SLC4A4: variants seen among roughly 807,000 people sequenced by gnomAD.
SLC4A4 encodes solute carrier family 4 member 4.
In SLC4A4, 27 loss-of-function variants were observed where a neutral mutation model predicts 111.5. The ratio of observed to expected loss-of-function variants is 0.24; its 90% confidence interval spans 0.18 to 0.33. SLC4A4 has a LOEUF of 0.33. Among genes scored for constraint, SLC4A4 ranks in the 10% least tolerant of loss-of-function variants. The pLI is 1.00. For synonymous variants in SLC4A4, 443 were observed against 463.4 expected (o/e 0.96, Z 0.57); for missense variants, 909 against 1,315.5 (o/e 0.69, Z 4.78).
intron 6 of SLC4A4, among the ~76,000 whole-genome samples, chr4:71,384,264 G>A (rs1347525321): frequency 6.6e-6 from 1 of 152,190 alleles, no homozygotes; most frequent in East Asian, 1.9e-4. Context: ...CAATGGGACA[G>A]GTTGTACCCT....
chr4:71,235,131 T>C (rs1219439383), intron 1 of SLC4A4, among the ~76,000 whole-genome samples: 1 of 152,146 alleles, frequency 6.6e-6, no homozygotes, highest in African/African-American at 2.4e-5. Context: ...TTACCCCAGT[T>C]TTATAGATGG....
At chr4:71,276,691 C>T (rs1723095990) in intron 3 of SLC4A4, among the ~76,000 whole-genome samples, 1 of 151,832 alleles carries the variant, frequency 6.6e-6, no homozygotes, top group East Asian at 1.9e-4. Flanking sequence ...GGATGCACCA[C>T]AGTTTGTTTA....
chr4:71,232,659 C>T (rs1719514454), intron 1 of SLC4A4, among the ~76,000 whole-genome samples: 1 of 152,192 alleles, frequency 6.6e-6, no homozygotes, highest in Non-Finnish European at 1.5e-5. Context: ...GCAATCCTCC[C>T]ACTCGGCCTC....
chr4:71,240,604 A>T (rs554833979), intron 2 of SLC4A4, among the ~76,000 whole-genome samples: 2 of 152,300 alleles, frequency 1.3e-5, no homozygotes, highest in South Asian at 4.1e-4. Flanking sequence ...ACTGATGGAC[A>T]TTAGGAGGGA....
rs199676655 is a variant in SLC4A4 at position 71,286,921 on chromosome 4, GT to G, written c.253+31534del. On this transcript the variant is annotated intron_variant, in intron 3 of 25. Transcript: ENST00000264485. ...ATTATTATTTTTAGAATTATTATGA[GT>G]TTTTTTTTTTTAACTTGGCTCTTGA... Among the ~76,000 whole-genome samples, 428 of 146,150 alleles carry G rather than the reference GT, an allele frequency of 2.9e-3. 4 individuals carry two copies. In the East Asian group the frequency reaches 0.033, roughly 11 times the overall value.
rs377762235 is a variant in SLC4A4, at chr4:71,384,959, A to G, written c.731-12618A>G. Among the ~76,000 whole-genome samples, 68 of 151,686 alleles carry G rather than the reference A, an allele frequency of 4.5e-4. 3 individuals are homozygous for G. The East Asian group carries it at 7.8e-3, about 17-fold the overall frequency. On this transcript the variant is annotated intron_variant, in intron 6 of 25. Transcript: ENST00000264485. ...AGTTTGATGGGTGCAGCAAACCACCATGGCACGTGTATACCTATGTAACAA... is the reference window on the plus strand; with the variant it reads ...AGTTTGATGGGTGCAGCAAACCACCGTGGCACGTGTATACCTATGTAACAA...
chr4:71,435,432 G>A lies in SLC4A4; in HGVS notation c.808-5184G>A, dbSNP rs541587925. Among the ~76,000 whole-genome samples the A allele has an allele frequency of 6.6e-5, 10 of 152,248 alleles. No individual in the cohort carries two copies. The South Asian group carries it at 1.5e-3, about 22-fold the overall frequency. On this transcript the variant is annotated intron_variant, in intron 7 of 25. Coordinates refer to ENST00000264485, the MANE Select transcript of SLC4A4 (RefSeq NM_001098484.3). ...ATCAAGATGGATTAGAGACTTAAAT[G>A]TAAGACCTAAAACCATAAAATCCAT...
At chr4:71,421,123 A>G (rs1226512835) in intron 7 of SLC4A4, among the ~76,000 whole-genome samples, 1 of 151,084 alleles carries the variant, frequency 6.6e-6, no homozygotes, top group East Asian at 1.9e-4. Context: ...TAGGCTCAAA[A>G]TAAAAGGATG....
At chr4:71,430,204 T>C (rs991484017) in intron 7 of SLC4A4, among the ~76,000 whole-genome samples, 1 of 152,132 alleles carries the variant, frequency 6.6e-6, no homozygotes, top group East Asian at 1.9e-4. Context: ...GGTATTTATG[T>C]TTCTTTTTTC....
At chr4:71,354,134 G>A (rs1730082786) in intron 5 of SLC4A4, among the ~76,000 whole-genome samples, 1 of 152,126 alleles carries the variant, frequency 6.6e-6, no homozygotes, top group Admixed American at 6.5e-5. Flanking sequence ...CGTTTAAAGA[G>A]TGTCATTCAC....
rs151221065 is a variant in SLC4A4 at position 71,518,089 on chromosome 4, G to C, written c.2167-13973G>C. ...CTAGAGCCTGGCTCCATGGGTACCA[G>C]CCTAGAGCCTGAGGCTGGCTTGGTG... is the stretch of plus-strand genomic sequence containing the variant. On this transcript the variant is annotated intron_variant, in intron 16 of 25. Coordinates refer to ENST00000264485, the MANE Select transcript of SLC4A4 (RefSeq NM_001098484.3). 3.3e-3 allele frequency among the ~76,000 whole-genome samples: 503 copies of C among 152,292 alleles called. 3 individuals carry two copies. Among genetic ancestry groups the C allele is most frequent in the African/African-American group, 0.012 (491 of 41,562 alleles).
chr4:71,437,727 G>A lies in SLC4A4; in HGVS notation c.808-2889G>A, dbSNP rs532728238. ...TAATGGAGATCTTATTGGGATGAGC[G>A]GCCCCCTCCAAAGTGAAATTCTTGG... On this transcript the variant is annotated intron_variant, in intron 7 of 25. Transcript: ENST00000264485. 35 of 320,688 alleles carry A rather than the reference G, an allele frequency of 1.1e-4. No homozygotes were observed. In the East Asian group the frequency reaches 1.7e-3, roughly 16 times the overall value. 19.9% of individuals were successfully genotyped at this position (320,688 alleles called of 1,614,324 possible).
intron 20 of SLC4A4, among the ~76,000 whole-genome samples, chr4:71,548,007 G>A (rs941105689): frequency 6.6e-6 from 1 of 151,682 alleles, no homozygotes; most frequent in Admixed American, 6.6e-5. Flanking sequence ...TCATGCAATT[G>A]AATCAGACTG....
chr4:71,467,086 C>T (rs966627729), intron 13 of SLC4A4, among the ~76,000 whole-genome samples: 1 of 151,988 alleles, frequency 6.6e-6, no homozygotes, highest in African/African-American at 2.4e-5. Context: ...GCTCATCCAC[C>T]TTGACTCTAG....
At chr4:71,497,794 A>G in intron 16 of SLC4A4, 102 bp downstream of exon 16, 4 of 966,308 alleles carry the variant, frequency 4.1e-6, no homozygotes, top group Non-Finnish European at 4.9e-6. Flanking sequence ...AATGTGTCCA[A>G]TATAATTTTG....
chr4:71,309,328 C>T (rs1725948038), intron 3 of SLC4A4, among the ~76,000 whole-genome samples: 1 of 152,280 alleles, frequency 6.6e-6, no homozygotes, highest in South Asian at 2.1e-4. Context: ...CTGAAGAGAC[C>T]AGTGGATCCT....
chr4:71,304,267 C>A (rs1186317594), intron 3 of SLC4A4, among the ~76,000 whole-genome samples: 2 of 152,158 alleles, frequency 1.3e-5, no homozygotes, highest in African/African-American at 4.8e-5. Flanking sequence ...TGTCTGCAAG[C>A]TTGAGACCAG....
At position 71,486,998 on chromosome 4, in the gene SLC4A4, A is replaced by G; in HGVS notation, c.1954A>G (p.Thr652Ala). The change falls in exon 15 of 26, where the codon ACT (threonine) becomes GCT (alanine). Residue 652 changes from threonine to alanine, a missense_variant. By Grantham distance (58) the Thr-to-Ala change is moderately conservative. Coordinates refer to ENST00000264485, the MANE Select transcript of SLC4A4 (RefSeq NM_001098484.3). Reference protein sequence around the residue: ...DTTLAPEYLPTMSSTDMYHNT... With the variant: ...DTTLAPEYLPAMSSTDMYHNT... ...CACACTGGCCCCAGAGTATTTGCCA[A>G]CTATGTCTTCTACTGACATGGTAAG... 6.3e-7 allele frequency: 1 copy of G among 1,599,196 alleles called. No homozygotes were observed. Among genetic ancestry groups the G allele is most frequent in the East Asian group, 2.2e-5 (1 of 44,550 alleles).
At chr4:71,303,515 C>G (rs777108071) in intron 3 of SLC4A4, among the ~76,000 whole-genome samples, 20 of 152,208 alleles carry the variant, frequency 1.3e-4, no homozygotes, top group Admixed American at 2.0e-4. Flanking sequence ...AGATGAATCT[C>G]TTCATGACTA....
Sources: gnomAD v4.1 joint callset for allele counts (sites outside exome capture counted in the v4.1 genomes callset) on GRCh38, gnomAD v4.1.1 for gene constraint, MANE v1.5 for transcripts, NCBI Gene and HGNC (gene_info 2026-07-23, HGNC 2026-07-21) for gene names.